The following PDLIM5 variants were observed in gnomAD, a reference collection of about 807,000 sequenced individuals.
PDLIM5 encodes the protein PDZ and LIM domain 5.
In PDLIM5, 34 loss-of-function variants were observed where a neutral mutation model predicts 64.2. That is an observed-to-expected ratio of 0.53 (90% CI 0.40 to 0.71). The LOEUF is 0.71. Ranked by LOEUF, PDLIM5 falls within the 30% of genes least tolerant of loss-of-function variation. The pLI is 0.00. For missense variants in PDLIM5, 683 were observed against 733.6 expected, an observed-to-expected ratio of 0.93 and a Z score of 0.80; for synonymous variants, 253 against 269.1, an observed-to-expected ratio of 0.94 and a Z score of 0.59.
chr4:94,477,816 C>A (rs1367246368), intron 2 of PDLIM5, among the ~76,000 whole-genome samples: 2 of 152,244 alleles, frequency 1.3e-5, no homozygotes, highest in African/African-American at 4.8e-5. Context: ...GACAGTGAGA[C>A]CAATCCCTCC....
chr4:94,546,307 C>T (rs1039244077), intron 3 of PDLIM5, among the ~76,000 whole-genome samples: 1 of 152,122 alleles, frequency 6.6e-6, no homozygotes, highest in Non-Finnish European at 1.5e-5. Context: ...AACCTTACCG[C>T]CTACCTTACC....
intron 2 of PDLIM5, among the ~76,000 whole-genome samples, chr4:94,458,808 A>T (rs1723613179): frequency 6.6e-6 from 1 of 152,082 alleles, no homozygotes; most frequent in South Asian, 2.1e-4. Flanking sequence ...TTCACGTTGG[A>T]CTCAAATTTC....
intron 10 of PDLIM5, among the ~76,000 whole-genome samples, chr4:94,656,152 C>T (rs1742195224): frequency 6.6e-6 from 1 of 151,994 alleles, no homozygotes; most frequent in African/African-American, 2.4e-5. Context: ...TTACCAATCA[C>T]AGATAATTAC....
rs374641167 is a variant in PDLIM5, at chr4:94,581,752, A to C, written c.711-3813A>C. On this transcript the variant is annotated intron_variant, in intron 5 of 12. Transcript: ENST00000317968. ...ATAATGCTACAGTGTGTTCTTTGGC[A>C]AACTATACAGTTTATACTTTAGTCT... is the stretch of plus-strand genomic sequence containing the variant. Among the ~76,000 whole-genome samples the C allele has an allele frequency of 3.9e-5, 6 of 152,170 alleles. No homozygotes were observed. The East Asian group carries it at 1.2e-3, about 29-fold the overall frequency.
At position 94,487,915 on chromosome 4, in the gene PDLIM5, A is replaced by T. The variant is rs1166469531; in HGVS notation, c.96+32531A>T. Among the ~76,000 whole-genome samples, 4 of 152,300 alleles carry T rather than the reference A, an allele frequency of 2.6e-5. No individual in the cohort carries two copies. In the East Asian group the frequency reaches 7.7e-4, roughly 29 times the overall value. Reference sequence around the variant, plus strand: ...GATTCTTGTGCCTTATTCAAGATTTACCTAATTAGTATATTAGGACTAGGG... The same window carrying T: ...GATTCTTGTGCCTTATTCAAGATTTTCCTAATTAGTATATTAGGACTAGGG... On this transcript the variant is annotated intron_variant, in intron 2 of 12. Transcript: ENST00000317968.
At chr4:94,582,553 G>T in intron 5 of PDLIM5, 2 of 543,910 alleles carry the variant, frequency 3.7e-6, no homozygotes, top group Non-Finnish European at 6.5e-6. Context: ...GAAGCATGAT[G>T]TTTGTGTAAC....
At chr4:94,453,366 A>C (rs554102182) in intron 1 of PDLIM5, among the ~76,000 whole-genome samples, 1 of 152,208 alleles carries the variant, frequency 6.6e-6, no homozygotes, top group Non-Finnish European at 1.5e-5. Flanking sequence ...CTAGAAATGA[A>C]CGGACAGTGA....
At chr4:94,559,798 G>T (rs185961554) in intron 3 of PDLIM5, among the ~76,000 whole-genome samples, 1 of 152,252 alleles carries the variant, frequency 6.6e-6, no homozygotes, top group Admixed American at 6.5e-5. Context: ...TTATGACTGG[G>T]CCTTTGGGTT....
intron 3 of PDLIM5, among the ~76,000 whole-genome samples, chr4:94,538,271 C>A (rs13110115): frequency 0.46 from 67,810 of 147,650 alleles, 16,681 homozygotes; most frequent in South Asian, 0.69. Flanking sequence ...AGTTGAATTA[C>A]AATGCATGGT....
intron 8 of PDLIM5, among the ~76,000 whole-genome samples, chr4:94,630,025 G>T (rs1740014907): frequency 6.6e-6 from 1 of 152,148 alleles, no homozygotes; most frequent in Non-Finnish European, 1.5e-5. Context: ...GTTTGAGATG[G>T]CTGGGGAAGG....
chr4:94,557,911 C>T (rs536797369), intron 3 of PDLIM5, among the ~76,000 whole-genome samples: 2 of 152,278 alleles, frequency 1.3e-5, no homozygotes, highest in African/African-American at 4.8e-5. Context: ...TTTCTCCTGC[C>T]TGATTGCCCT....
intron 2 of PDLIM5, among the ~76,000 whole-genome samples, chr4:94,487,211 GC>G (rs1013904561): frequency 1.1e-4 from 17 of 152,000 alleles, no homozygotes; most frequent in Non-Finnish European, 1.0e-4. Flanking sequence ...TAATTTTGCT[GC>G]CTAAAAATAT....
intron 2 of PDLIM5, among the ~76,000 whole-genome samples, chr4:94,513,571 G>T (rs543039016): frequency 6.6e-6 from 1 of 152,252 alleles, no homozygotes; most frequent in South Asian, 2.1e-4. Context: ...TTTGTATCCT[G>T]CAACTTTACT....
intron 12 of PDLIM5, among the ~76,000 whole-genome samples, chr4:94,662,875 G>A (rs1004323989): frequency 6.7e-6 from 1 of 150,120 alleles, no homozygotes; most frequent in Non-Finnish European, 1.5e-5. Context: ...TTTTGGAAAC[G>A]TTAGGTACTT....
At chr4:94,502,250 T>C (rs1389324633) in intron 2 of PDLIM5, among the ~76,000 whole-genome samples, 3 of 152,170 alleles carry the variant, frequency 2.0e-5, no homozygotes, top group Non-Finnish European at 4.4e-5. Context: ...AGTTAGGCTT[T>C]AAGAGAGTGA....
chr4:94,625,705 G>A (rs1040745566), intron 8 of PDLIM5, among the ~76,000 whole-genome samples: 3 of 151,910 alleles, frequency 2.0e-5, no homozygotes, highest in Admixed American at 6.6e-5. Context: ...TGCCCGCCTC[G>A]GCCTCCCAAA....
chr4:94,475,875 C>T (rs891798381), intron 2 of PDLIM5, among the ~76,000 whole-genome samples: 2 of 152,002 alleles, frequency 1.3e-5, no homozygotes, highest in Non-Finnish European at 2.9e-5. Context: ...ACAGATTTAC[C>T]AGGACATAGC....
rs550514994 is a variant in PDLIM5, at chr4:94,640,014, C to T, written c.1109-262C>T. On this transcript the variant is annotated intron_variant, in intron 8 of 12. Transcript: ENST00000317968. Reference sequence around the variant, plus strand: ...TGCACTCCAGCCTGGGCAACAAGAGCGAAACTCTGTCTTAAAAAAAAAAAA... The same window carrying T: ...TGCACTCCAGCCTGGGCAACAAGAGTGAAACTCTGTCTTAAAAAAAAAAAA... Among the ~76,000 whole-genome samples the T allele has an allele frequency of 3.6e-4, 54 of 150,302 alleles. 1 individual carries two copies. The highest frequency in any genetic ancestry group is 6.9e-4 in the Non-Finnish European group (47 of 67,718).
intron 2 of PDLIM5, among the ~76,000 whole-genome samples, chr4:94,478,275 A>C (rs1188691564): frequency 6.7e-6 from 1 of 149,586 alleles, no homozygotes; most frequent in Non-Finnish European, 1.5e-5. Flanking sequence ...AAAAAAAAAG[A>C]ATATAGTATT....
Sources: gnomAD v4.1 joint callset for allele counts (sites outside exome capture counted in the v4.1 genomes callset) on GRCh38, gnomAD v4.1.1 for gene constraint, MANE v1.5 for transcripts, NCBI Gene and HGNC (gene_info 2026-07-23, HGNC 2026-07-21) for gene names.